Variants in SAMD12 observed in about 807,000 individuals in gnomAD.
The protein encoded by SAMD12 is sterile alpha motif domain-containing protein 12.
A neutral mutation model predicts 15.0 loss-of-function variants in SAMD12; 9 were observed. The observed-to-expected ratio is 0.60, with a 90% CI of 0.36 to 1.05. SAMD12 has a LOEUF of 1.05. SAMD12 is among the 50% of genes least tolerant of loss of function. The pLI, the probability that SAMD12 is intolerant of heterozygous loss-of-function variation, is 0.01. For synonymous variants in SAMD12, 86 were observed against 90.1 expected (o/e 0.96, Z 0.25); for missense variants, 230 against 234.2 (o/e 0.98, Z 0.12).
chr8:118,197,893 G>A (rs961865299), intron 4 of SAMD12, among the ~76,000 whole-genome samples: 4 of 152,212 alleles, frequency 2.6e-5, no homozygotes, highest in Non-Finnish European at 4.4e-5. Flanking sequence ...TGGATTTACA[G>A]TGGCTTATAT....
intron 4 of SAMD12, among the ~76,000 whole-genome samples, chr8:118,299,874 A>T (rs1814924770): frequency 6.6e-6 from 1 of 152,048 alleles, no homozygotes; most frequent in Non-Finnish European, 1.5e-5. Flanking sequence ...AGATTGATTC[A>T]TTCTCGTCTC....
At chr8:118,138,527 G>A in the SAMD12 span, among the ~76,000 whole-genome samples, 1 of 152,134 alleles carries the variant, frequency 6.6e-6, no homozygotes, top group Non-Finnish European at 1.5e-5. Flanking sequence ...AAGGAAATGG[G>A]TCCCCATCAG....
intron 2 of SAMD12, among the ~76,000 whole-genome samples, chr8:118,491,706 T>C (rs1038967441): frequency 6.6e-6 from 1 of 152,046 alleles, no homozygotes; most frequent in Non-Finnish European, 1.5e-5. Context: ...GCAGTAAACA[T>C]GTGCATGTGT....
intron 4 of SAMD12, among the ~76,000 whole-genome samples, chr8:118,226,184 T>C (rs553381512): frequency 1.3e-5 from 2 of 152,252 alleles, no homozygotes; most frequent in South Asian, 2.1e-4. Context: ...ATTTAACACA[T>C]GAGGACACTG....
chr8:118,406,117 G>C (rs976251476), intron 3 of SAMD12, among the ~76,000 whole-genome samples: 16 of 151,722 alleles, frequency 1.1e-4, no homozygotes, highest in Non-Finnish European at 1.6e-4. Flanking sequence ...AAAGAGAAGA[G>C]TCTTAAACAG....
chr8:118,467,982 A>G (rs748545989), intron 2 of SAMD12, among the ~76,000 whole-genome samples: 3 of 152,204 alleles, frequency 2.0e-5, no homozygotes, highest in Non-Finnish European at 4.4e-5. Flanking sequence ...TATCCATCCA[A>G]TGGGAGATTG....
At chr8:118,457,161 A>C (rs1175809677) in intron 2 of SAMD12, among the ~76,000 whole-genome samples, 2 of 151,584 alleles carry the variant, frequency 1.3e-5, no homozygotes, top group Admixed American at 6.6e-5. Flanking sequence ...CTATTTTGTT[A>C]TTAGTCTTCC....
chr8:118,369,664 G>A (rs1030023262), intron 4 of SAMD12, among the ~76,000 whole-genome samples: 2 of 151,948 alleles, frequency 1.3e-5, no homozygotes, highest in African/African-American at 4.8e-5. Flanking sequence ...GCAGTGAGCT[G>A]GGATCACGCC....
At chr8:118,165,707 T>C in the SAMD12 span, among the ~76,000 whole-genome samples, 1 of 150,070 alleles carries the variant, frequency 6.7e-6, no homozygotes, top group Non-Finnish European at 1.5e-5. Context: ...AAATGCTAGC[T>C]GTTACTAGTG....
chr8:118,199,671 A>C (rs780425118), intron 4 of SAMD12, among the ~76,000 whole-genome samples: 1 of 152,238 alleles, frequency 6.6e-6, no homozygotes, highest in Non-Finnish European at 1.5e-5. Flanking sequence ...CTAGTAGCTG[A>C]GAGAAAGCAG....
the SAMD12 span, among the ~76,000 whole-genome samples, chr8:118,132,319 A>C: frequency 8.5e-5 from 13 of 152,330 alleles, no homozygotes; most frequent in Non-Finnish European, 1.5e-4. Flanking sequence ...AAAGTTTTTC[A>C]TTCTCCAGTG....
Position 118,502,567 on chromosome 8 carries a change from A to G in SAMD12, c.193-62606T>C, listed in dbSNP as rs543401402. The stretch of plus-strand genomic sequence containing the variant: ...AAAAGTCAGGGCAAGTTAAAGCACT[A>G]ATAGTCTCCAGTGGATACAAACCTG... On this transcript the variant is annotated intron_variant, in intron 2 of 3. Transcript: ENST00000314727. Among the ~76,000 whole-genome samples the G allele has an allele frequency of 3.3e-5, 5 of 152,374 alleles. No homozygotes were observed. In the East Asian group the frequency reaches 7.7e-4, roughly 23 times the overall value.
chr8:118,602,696 C>A (rs1284206889), intron 1 of SAMD12, among the ~76,000 whole-genome samples: 2 of 152,206 alleles, frequency 1.3e-5, no homozygotes, highest in South Asian at 4.1e-4. Flanking sequence ...CCTCTCTCTG[C>A]CCCTAAATAT....
chr8:118,140,425 C>T, the SAMD12 span, among the ~76,000 whole-genome samples: 1 of 152,090 alleles, frequency 6.6e-6, no homozygotes, highest in African/African-American at 2.4e-5. Flanking sequence ...GCATATGCCA[C>T]CATGCCTAGC....
chr8:118,374,350 T>C (rs1363535026), downstream of SAMD12, among the ~76,000 whole-genome samples: 1 of 152,174 alleles, frequency 6.6e-6, no homozygotes, highest in Admixed American at 6.6e-5. Flanking sequence ...TTGCATTTTG[T>C]ATATATACCA....
exon 5 of SAMD12, chr8:118,196,880 T>C (rs1819578918): frequency 6.6e-6 from 1 of 152,190 alleles, no homozygotes; most frequent in Non-Finnish European, 1.5e-5. Context: ...TGGTCAATAG[T>C]GCCTGTGAAC....
At chr8:118,464,565 T>C (rs1823530811) in intron 2 of SAMD12, among the ~76,000 whole-genome samples, 1 of 152,206 alleles carries the variant, frequency 6.6e-6, no homozygotes, top group Non-Finnish European at 1.5e-5. Context: ...AAGAATAATA[T>C]GCTTCTTCCA....
At chr8:118,441,613 T>G (rs1822765834) in intron 2 of SAMD12, among the ~76,000 whole-genome samples, 1 of 152,230 alleles carries the variant, frequency 6.6e-6, no homozygotes, top group Non-Finnish European at 1.5e-5. Flanking sequence ...TATATGTCCA[T>G]ATATTCATAT....
Position 118,378,525 on chromosome 8 carries a change from G to C in SAMD12, c.*892C>G. The C allele has an allele frequency of 2.0e-6, 2 of 984,352 alleles. No individual in the cohort carries two copies. The highest frequency in any genetic ancestry group is 2.4e-6 in the Non-Finnish European group (2 of 829,106). The allele number at this position is 984,352 out of a possible 1,614,324, so 61.0% of individuals were successfully genotyped here. On this transcript the variant is annotated 3_prime_UTR_variant, in exon 4 of 4. Transcript: ENST00000314727. ...CCTTCTAGAATAGTCATCTTTCAGGGAGCACATTATTTCCTCTAGGCAAAT... is the reference window on the plus strand; with the variant it reads ...CCTTCTAGAATAGTCATCTTTCAGGCAGCACATTATTTCCTCTAGGCAAAT...
Sources: gnomAD v4.1 joint callset for allele counts (sites outside exome capture counted in the v4.1 genomes callset) on GRCh38, gnomAD v4.1.1 for gene constraint, MANE v1.5 for transcripts, NCBI Gene and HGNC (gene_info 2026-07-23, HGNC 2026-07-21) for gene names.